The following NAALADL2 variants were observed in gnomAD, a reference collection of about 807,000 sequenced individuals.
The protein encoded by NAALADL2 is N-acetylated alpha-linked acidic dipeptidase like 2.
A neutral mutation model predicts 87.2 loss-of-function variants in NAALADL2; 76 were observed. The observed-to-expected ratio is 0.87, with a 90% CI of 0.72 to 1.05. The LOEUF (loss-of-function observed/expected upper bound fraction) is 1.05. Among genes scored for constraint, NAALADL2 ranks in the 50% least tolerant of loss-of-function variants. The pLI, the probability that NAALADL2 is intolerant of heterozygous loss-of-function variation, is 0.00. For missense variants in NAALADL2, 1,089 were observed against 945.8 expected, an observed-to-expected ratio of 1.15 and a Z score of -1.99; for synonymous variants, 354 against 331.0, an observed-to-expected ratio of 1.07 and a Z score of -0.75.
At chr3:174,638,799 G>A (rs1273241252) in intron 2 of NAALADL2, among the ~76,000 whole-genome samples, 1 of 152,254 alleles carries the variant, frequency 6.6e-6, no homozygotes, top group Non-Finnish European at 1.5e-5. Context: ...ACACTTTAAT[G>A]TATTCATTCT....
chr3:174,855,202 CAT>C (rs1184726650), upstream of NAALADL2, among the ~76,000 whole-genome samples: 7 of 152,050 alleles, frequency 4.6e-5, no homozygotes, highest in Non-Finnish European at 8.8e-5. Context: ...CAACACAAAA[CAT>C]GTGAGTAATG....
chr3:174,880,442 A>C (rs1039190457), intron 1 of NAALADL2, among the ~76,000 whole-genome samples: 19 of 152,144 alleles, frequency 1.2e-4, no homozygotes, highest in Non-Finnish European at 2.4e-4. Context: ...CTTCAGATAC[A>C]TCCAGATTTT....
At chr3:175,301,335 T>G (rs985759513) in intron 4 of NAALADL2, among the ~76,000 whole-genome samples, 1 of 152,122 alleles carries the variant, frequency 6.6e-6, no homozygotes, top group Non-Finnish European at 1.5e-5. Flanking sequence ...GATGGCGGGT[T>G]GATAGGTGCA....
At chr3:175,309,866 A>G (rs756001315) in intron 4 of NAALADL2, among the ~76,000 whole-genome samples, 2 of 152,170 alleles carry the variant, frequency 1.3e-5, no homozygotes, top group East Asian at 1.9e-4. Context: ...GGCAGATGTC[A>G]TCCCTTTTTA....
At chr3:175,652,786 T>C (rs1730960759) in intron 11 of NAALADL2, among the ~76,000 whole-genome samples, 1 of 152,168 alleles carries the variant, frequency 6.6e-6, no homozygotes, top group Admixed American at 6.5e-5. Flanking sequence ...GAATCATCTG[T>C]AAACTATGAC....
intron 12 of NAALADL2, among the ~76,000 whole-genome samples, chr3:175,753,399 T>A (rs1746855558): frequency 6.6e-6 from 1 of 152,146 alleles, no homozygotes; most frequent in East Asian, 1.9e-4. Flanking sequence ...TTTTTTTTTC[T>A]AAACATACTT....
intron 3 of NAALADL2, among the ~76,000 whole-genome samples, chr3:174,764,386 T>G (rs1204491813): frequency 6.6e-6 from 1 of 152,150 alleles, no homozygotes; most frequent in Non-Finnish European, 1.5e-5. Context: ...TTGAGGCAGG[T>G]GGATCATGAG....
chr3:175,150,270 A>AC (rs2108777808), intron 2 of NAALADL2, among the ~76,000 whole-genome samples: 1 of 152,286 alleles, frequency 6.6e-6, no homozygotes, highest in South Asian at 2.1e-4. Context: ...CTAGCCTATT[A>AC]CAAATAAAAT....
intron 1 of NAALADL2, among the ~76,000 whole-genome samples, chr3:174,922,632 G>T (rs1266027022): frequency 6.6e-6 from 1 of 152,106 alleles, no homozygotes; most frequent in East Asian, 1.9e-4. Flanking sequence ...TCTCCAGTTT[G>T]TAAAACTTGC....
At chr3:175,092,148 TGTG>T (rs1014016711) in intron 1 of NAALADL2, among the ~76,000 whole-genome samples, 7 of 151,312 alleles carry the variant, frequency 4.6e-5, no homozygotes, top group African/African-American at 1.7e-4. Context: ...ACTTCAAAAA[TGTG>T]GTACTGTTAT....
intron 12 of NAALADL2, among the ~76,000 whole-genome samples, chr3:175,740,433 G>A (rs1046726997): frequency 2.0e-5 from 3 of 152,164 alleles, no homozygotes; most frequent in Non-Finnish European, 2.9e-5. Flanking sequence ...TGAGGGCTAG[G>A]AAAATGAGGC....
intron 2 of NAALADL2, among the ~76,000 whole-genome samples, chr3:175,129,918 T>A (rs1459942067): frequency 6.6e-6 from 1 of 152,198 alleles, no homozygotes; most frequent in Non-Finnish European, 1.5e-5. Flanking sequence ...AATGATTGTA[T>A]CAATTTACAT....
In NAALADL2 at chr3:175,128,925, AT is replaced by A. The variant is rs200656722; in HGVS notation, c.545+31643del. ...TGTATAGATTGTGTACTAGTTACCA[AT>A]TTTTTTTTGTTTGTTTGTTTGTTTG... is the stretch of plus-strand genomic sequence containing the variant. On this transcript the variant is annotated intron_variant, in intron 2 of 13. Coordinates refer to ENST00000454872, the MANE Select transcript of NAALADL2 (RefSeq NM_207015.3). Among the ~76,000 whole-genome samples the A allele has an allele frequency of 1.2e-4, 18 of 151,182 alleles. No homozygotes were observed. The East Asian group carries it at 2.1e-3, about 18-fold the overall frequency.
At chr3:174,450,869 C>CAA (rs761513802) in intron 1 of NAALADL2, among the ~76,000 whole-genome samples, 2,495 of 74,520 alleles carry the variant, frequency 0.033, 155 homozygotes, top group African/African-American at 0.1. Context: ...GACTCTGTCT[C>CAA]AAAAAAAAAA....
At chr3:174,511,250 G>T (rs1719586092) in intron 1 of NAALADL2, among the ~76,000 whole-genome samples, 3 of 151,734 alleles carry the variant, frequency 2.0e-5, no homozygotes, top group Admixed American at 6.6e-5. Flanking sequence ...TTTATCAATT[G>T]CTGAGAAAGA....
intron 11 of NAALADL2, among the ~76,000 whole-genome samples, chr3:175,736,139 T>TG (rs2150078694): frequency 6.6e-6 from 1 of 152,330 alleles, no homozygotes; most frequent in South Asian, 2.1e-4. Flanking sequence ...GAGATGTGTA[T>TG]GAATGCATAT....
intron 2 of NAALADL2, among the ~76,000 whole-genome samples, chr3:175,189,021 C>T (rs1040440709): frequency 6.6e-6 from 1 of 152,132 alleles, no homozygotes; most frequent in Admixed American, 6.5e-5. Context: ...AGTCACACAC[C>T]CTGGTTTTGT....
intron 1 of NAALADL2, among the ~76,000 whole-genome samples, chr3:174,923,995 A>G (rs1735610152): frequency 1.3e-5 from 2 of 152,164 alleles, no homozygotes; most frequent in Admixed American, 6.5e-5. Flanking sequence ...AGGACTGACT[A>G]GGTTTTTAAA....
At chr3:174,774,894 G>C (rs1285566281) in intron 3 of NAALADL2, among the ~76,000 whole-genome samples, 1 of 152,060 alleles carries the variant, frequency 6.6e-6, no homozygotes, top group Non-Finnish European at 1.5e-5. Flanking sequence ...CACTTTATCT[G>C]GATTTAATTT....
Sources: gnomAD v4.1 joint callset for allele counts (sites outside exome capture counted in the v4.1 genomes callset) on GRCh38, gnomAD v4.1.1 for gene constraint, MANE v1.5 for transcripts, NCBI Gene and HGNC (gene_info 2026-07-23, HGNC 2026-07-21) for gene names.